MARCHF9: variants seen among roughly 807,000 people sequenced by gnomAD.
MARCHF9 encodes E3 ubiquitin-protein ligase MARCHF9.
MARCHF9 carries 17 observed loss-of-function variants against 35.2 expected under a neutral mutation model. The observed-to-expected ratio is 0.48, with a 90% CI of 0.33 to 0.72. The LOEUF is 0.72. Ranked by LOEUF, MARCHF9 falls within the 30% of genes least tolerant of loss-of-function variation. MARCHF9 has a pLI of 0.02. For synonymous variants in MARCHF9, 183 were observed against 207.4 expected, an observed-to-expected ratio of 0.88 and a Z score of 1.01; for missense variants, 386 against 478.2, an observed-to-expected ratio of 0.81 and a Z score of 1.80.
chr12:57,757,783 C>A, intron 2 of MARCHF9: 1 of 595,798 alleles, frequency 1.7e-6, no homozygotes, highest in Non-Finnish European at 3.0e-6. Context: ...TTATTATCCC[C>A]TTTTACAAAC....
At chr12:57,757,961 G>C (rs1955297422) in intron 2 of MARCHF9, 147 bp from the exon 3 acceptor site, 1 of 832,618 alleles carries the variant, frequency 1.2e-6, no homozygotes, top group Admixed American at 2.0e-5. Flanking sequence ...CCACATTCTA[G>C]ATTTAATCAA....
Position 57,756,949 on chromosome 12 carries a change from C to A in MARCHF9, c.378C>A (p.Cys126Ter). 1 of 1,575,070 alleles carries A rather than the reference C, an allele frequency of 6.3e-7. No homozygotes were observed. The highest frequency in any genetic ancestry group is 1.8e-5 in the Admixed American group (1 of 54,916). The stretch of plus-strand genomic sequence containing the variant: ...TCCAGGGGGAGCTCTTAAGCCCCTG[C>A]CGCTGCGACGGCTCAGTGCGCTGCA... ...GPEQGELLSP[C>*]RCDGSVRCTH... Residue 126 changes from cysteine to a stop codon, truncating the protein, a stop_gained, in exon 2 of 4, where the codon TGC (cysteine) becomes TGA (stop). Transcript: ENST00000266643. LOFTEE classifies it high-confidence loss of function.
chr12:57,757,502 A>AT (rs1233590185), intron 2 of MARCHF9: 1 of 185,720 alleles, frequency 5.4e-6, no homozygotes, highest in Non-Finnish European at 1.1e-5. Context: ...GAATACAAAA[A>AT]TTAGCCAGGC....
In MARCHF9 at chr12:57,755,215, C is replaced by G. The variant is rs1355370032; in HGVS notation, c.-314C>G. On this transcript the variant is annotated 5_prime_UTR_variant, in exon 1 of 4. Transcript: ENST00000266643. ...GGGGGGCGGCCCCGCCGCAGGAGGA[C>G]CCGGGCGCGTAACCCCGGGGGCCCG... 2.3e-5 allele frequency: 4 copies of G among 171,088 alleles called. No individual in the cohort carries two copies. The highest frequency in any genetic ancestry group is 7.2e-5 in the African/African-American group (3 of 41,808). The allele number at this position is 171,088 out of a possible 1,614,324, so 10.6% of individuals were successfully genotyped here.
At chr12:57,756,829 G>A in intron 1 of MARCHF9, 100 bp from the exon 2 acceptor site, 8 of 1,269,900 alleles carry the variant, frequency 6.3e-6, no homozygotes, top group Non-Finnish European at 8.3e-6. Flanking sequence ...TATTTAAGGT[G>A]GGAAAGTGAC....
At chr12:57,757,167 A>G in intron 2 of MARCHF9, 83 bp downstream of exon 2, 2 of 1,406,232 alleles carry the variant, frequency 1.4e-6, no homozygotes, top group Non-Finnish European at 1.9e-6. Context: ...AGCCTATTTC[A>G]TTTACTCTTT....
Position 57,755,243 on chromosome 12 carries a change from C to A in MARCHF9, c.-286C>A. The A allele has an allele frequency of 5.2e-6, 1 of 193,292 alleles. No individual in the cohort carries two copies. Among genetic ancestry groups the A allele is most frequent in the Non-Finnish European group, 1.0e-5 (1 of 95,628 alleles). 12.0% of individuals were successfully genotyped at this position (193,292 alleles called of 1,614,324 possible). ...GGGCGCGTAACCCCGGGGGCCCGGC[C>A]CGCTCCAGACCCAGACCCGCGGGGT... On this transcript the variant is annotated 5_prime_UTR_variant, in exon 1 of 4. Transcript: ENST00000266643.
chr12:57,755,488 GC>G lies in MARCHF9; in HGVS notation c.-35del, dbSNP rs1955278840. 3.1e-6 allele frequency: 2 copies of G among 635,618 alleles called. No individual in the cohort carries two copies. The highest frequency in any genetic ancestry group is 2.3e-5 in the African/African-American group (1 of 42,802). The allele number at this position is 635,618 out of a possible 1,614,324, so 39.4% of individuals were successfully genotyped here. On this transcript the variant is annotated 5_prime_UTR_variant, in exon 1 of 4. Transcript: ENST00000266643. ...TCTCCCCTCCCCCCGCCGCTAGCGA[GC>G]CCCCCTTGCACGCTGCCCCCCGCCC...
chr12:57,755,755 C>T lies in MARCHF9; in HGVS notation c.227C>T (p.Ala76Val), dbSNP rs1955282526. The T allele has an allele frequency of 1.6e-6, 2 of 1,247,298 alleles. No homozygotes were observed. The highest frequency in any genetic ancestry group is 2.0e-6 in the Non-Finnish European group (2 of 999,178). 77.3% of individuals were successfully genotyped at this position (1,247,298 alleles called of 1,614,324 possible). ...RGLAGDKEPR[A>V]GPLPPPAPPL... ...CTGGCCGGCGACAAGGAGCCGCGGG[C>T]CGGACCCCTGCCGCCGCCCGCGCCG... The change falls in exon 1 of 4, where the codon GCC becomes GTC. Residue 76 changes from alanine (A) to valine (V), a missense_variant. By Grantham distance (64) the Ala-to-Val change is moderately conservative (BLOSUM62 0). This residue lies in a region of MARCHF9 where 219 missense variants were observed against 316.2 expected (regional missense o/e 0.69). Coordinates refer to ENST00000266643, the MANE Select transcript of MARCHF9 (RefSeq NM_138396.6).
In MARCHF9 at chr12:57,755,514, C is replaced by G. The variant is rs1160471481; in HGVS notation, c.-15C>G. ...CCCCCCTTGCACGCTGCCCCCCGCC[C>G]CCGGTGTCCGGACGATGCTCAAGTC... On this transcript the variant is annotated 5_prime_UTR_variant, in exon 1 of 4. Coordinates refer to ENST00000266643, the MANE Select transcript of MARCHF9 (RefSeq NM_138396.6). 67 of 1,312,250 alleles carry G rather than the reference C, an allele frequency of 5.1e-5. No individual in the cohort carries two copies. Among genetic ancestry groups the G allele is most frequent in the Non-Finnish European group, 6.3e-5 (64 of 1,022,928 alleles). 81.3% of individuals were successfully genotyped at this position (1,312,250 alleles called of 1,614,324 possible).
rs1955301744 is a variant in MARCHF9 at position 57,758,693 on chromosome 12, A to G, written c.837A>G (p.Ala279=). 6.2e-7 allele frequency: 1 copy of G among 1,612,522 alleles called. No homozygotes were observed. The highest frequency in any genetic ancestry group is 1.7e-4 in the Middle Eastern group (1 of 6,058). ...GAGGAGATGCAGGGGGAGGGACGGC[A>G]GGGAAGTCAGGCCCCAGGAACTCAC... ...DIGGDAGGGT[A]GKSGPRNSRT... The change falls in exon 4 of 4, where the codon GCA becomes GCG. Residue 279 remains alanine, a synonymous_variant. Coordinates refer to ENST00000266643, the MANE Select transcript of MARCHF9 (RefSeq NM_138396.6). The surrounding 1 kb of genome is among the most constrained non-coding windows in gnomAD (Gnocchi z 5.4).
In MARCHF9 at chr12:57,756,924, T is replaced by C. The variant is rs1261694524; in HGVS notation, c.358-5T>C. On this transcript the variant is annotated splice_polypyrimidine_tract_variant and splice_region_variant and intron_variant, in intron 1 of 3. Transcript: ENST00000266643. ...TGACAGGGCCCCTCCTCACTCTTCC[T>C]CCAGGGGGAGCTCTTAAGCCCCTGC... 1.3e-6 allele frequency: 2 copies of C among 1,532,540 alleles called. No homozygotes were observed. Among genetic ancestry groups the C allele is most frequent in the South Asian group, 1.2e-5 (1 of 80,366 alleles). 94.9% of individuals were successfully genotyped at this position (1,532,540 alleles called of 1,614,324 possible). A position where few individuals can be genotyped will look rare whatever the true frequency, so the allele number is the denominator to read the frequency against.
chr12:57,755,522 C>A lies in MARCHF9; in HGVS notation c.-7C>A. ...GCACGCTGCCCCCCGCCCCCGGTGTCCGGACGATGCTCAAGTCTCGGCTCC... is the reference window on the plus strand; with the variant it reads ...GCACGCTGCCCCCCGCCCCCGGTGTACGGACGATGCTCAAGTCTCGGCTCC... On this transcript the variant is annotated 5_prime_UTR_variant, in exon 1 of 4. Coordinates refer to ENST00000266643, the MANE Select transcript of MARCHF9 (RefSeq NM_138396.6). 9.5e-7 allele frequency: 1 copy of A among 1,047,308 alleles called. No individual in the cohort carries two copies. Among genetic ancestry groups the A allele is most frequent in the Non-Finnish European group, 1.2e-6 (1 of 849,028 alleles). 64.9% of individuals were successfully genotyped at this position (1,047,308 alleles called of 1,614,324 possible). A position where few individuals can be genotyped will look rare whatever the true frequency, so the allele number is the denominator to read the frequency against.
At position 57,759,472 on chromosome 12, in the gene MARCHF9, G is replaced by C. The variant is rs1955307305; in HGVS notation, c.*575G>C. 1 of 152,426 alleles carries C rather than the reference G, an allele frequency of 6.6e-6. No individual in the cohort carries two copies. The highest frequency in any genetic ancestry group is 2.4e-5 in the African/African-American group (1 of 41,450). 9.4% of individuals were successfully genotyped at this position (152,426 alleles called of 1,614,324 possible). The stretch of plus-strand genomic sequence containing the variant: ...TCTGGAGGGTTGGGAGATGTGGGGA[G>C]GTTTCTCTGCACAGGTTGCAAATCC... On this transcript the variant is annotated 3_prime_UTR_variant, in exon 4 of 4. Transcript: ENST00000266643.
intron 1 of MARCHF9, among the ~76,000 whole-genome samples, chr12:57,756,261 G>A (rs540773487): frequency 2.0e-5 from 3 of 152,350 alleles, no homozygotes; most frequent in African/African-American, 4.8e-5. Context: ...CCCAGCCAGC[G>A]CCCTTGCTTA....
In MARCHF9 at chr12:57,755,346, G is replaced by C; in HGVS notation, c.-183G>C. Reference sequence around the variant, plus strand: ...CCCGCCGCCCCCGGGCCGCCAGCCCGCTCGGCCCCGCAAGCACCGGAGCCC... The same window carrying C: ...CCCGCCGCCCCCGGGCCGCCAGCCCCCTCGGCCCCGCAAGCACCGGAGCCC... On this transcript the variant is annotated 5_prime_UTR_variant, in exon 1 of 4. Transcript: ENST00000266643. 2.4e-5 allele frequency: 3 copies of C among 122,876 alleles called. No homozygotes were observed. Among genetic ancestry groups the C allele is most frequent in the African/African-American group, 3.4e-5 (1 of 29,704 alleles). 7.6% of individuals were successfully genotyped at this position (122,876 alleles called of 1,614,324 possible).
chr12:57,758,335 A>G lies in MARCHF9; in HGVS notation c.706+35A>G, dbSNP rs766273923. 3.8e-6 allele frequency: 6 copies of G among 1,582,478 alleles called. No individual in the cohort carries two copies. Among genetic ancestry groups the G allele is most frequent in the Non-Finnish European group, 4.3e-6 (5 of 1,159,610 alleles). On this transcript the variant is annotated intron_variant, in intron 3 of 3. Coordinates refer to ENST00000266643, the MANE Select transcript of MARCHF9 (RefSeq NM_138396.6). This position sits in a 1 kb window ranked among gnomAD's most constrained non-coding sequence, Gnocchi z 5.4. ...CCTCTCTCTCCTTTACCTGCTCTGTATCTTCCTCTTACACACCTAACTCCC... is the reference window on the plus strand; with the variant it reads ...CCTCTCTCTCCTTTACCTGCTCTGTGTCTTCCTCTTACACACCTAACTCCC...
At chr12:57,757,763 T>C in intron 2 of MARCHF9, 1 of 591,250 alleles carries the variant, frequency 1.7e-6, no homozygotes, top group Non-Finnish European at 3.0e-6. Flanking sequence ...AATAATCTTA[T>C]TAGATACTAT....
At position 57,756,960 on chromosome 12, in the gene MARCHF9, G is replaced by A; in HGVS notation, c.389G>A (p.Gly130Asp). The A allele has an allele frequency of 1.9e-6, 3 of 1,585,452 alleles. No homozygotes were observed. The highest frequency in any genetic ancestry group is 1.7e-6 in the Non-Finnish European group (2 of 1,166,278). ...CTCTTAAGCCCCTGCCGCTGCGACG[G>A]CTCAGTGCGCTGCACGCATCAGCCC... is the stretch of plus-strand genomic sequence containing the variant. The part of the protein sequence containing the change: ...GELLSPCRCD[G>D]SVRCTHQPCL... Residue 130 changes from glycine (G) to aspartate (D), a missense_variant, in exon 2 of 4, where the codon GGC becomes GAC. Coordinates refer to ENST00000266643, the MANE Select transcript of MARCHF9 (RefSeq NM_138396.6).
Sources: gnomAD v4.1 joint callset for allele counts (sites outside exome capture counted in the v4.1 genomes callset) on GRCh38, gnomAD v4.1.1 for gene constraint, gnomAD v4.1.1 regional missense constraint, Gnocchi (gnomAD v3.1) non-coding constraint, MANE v1.5 for transcripts, NCBI Gene and HGNC (gene_info 2026-07-23, HGNC 2026-07-21) for gene names.